KLC3: variants seen among roughly 807,000 people sequenced by gnomAD.
The protein encoded by KLC3 is kinesin light chain 3.
In KLC3, 72 loss-of-function variants were observed where a neutral mutation model predicts 62.9. The observed-to-expected ratio is 1.15, with a 90% CI of 0.95 to 1.39. The LOEUF (loss-of-function observed/expected upper bound fraction) is 1.39, where lower values mean the gene tolerates loss of function less well. Among genes scored for constraint, KLC3 ranks in the 40% most tolerant of loss-of-function variants. The pLI is 0.00. For missense variants in KLC3, 848 were observed against 691.6 expected (o/e 1.23, Z -2.54); for synonymous variants, 377 against 300.5 (o/e 1.25, Z -2.63).
rs1263802046 is a variant in KLC3 at position 45,348,881 on chromosome 19, C to T, written c.929C>T (p.Ala310Val). The T allele has an allele frequency of 1.6e-5, 25 of 1,588,584 alleles. No individual in the cohort carries two copies. Among genetic ancestry groups the T allele is most frequent in the Non-Finnish European group, 2.1e-5 (25 of 1,167,884 alleles). ...GGGAAGCGTGGGCGTTACCGGGAGG[C>T]AGAGCCCCTGTGCCAGCGCGCTTTG... ...LYGKRGRYRE[A>V]EPLCQRALEI... Residue 310 changes from alanine (A) to valine (V), a missense_variant, in exon 7 of 13, where the codon GCA becomes GTA. By Grantham distance (64) the Ala-to-Val change is moderately conservative. Coordinates refer to ENST00000391946, the MANE Select transcript of KLC3 (RefSeq NM_177417.3).
intron 3 of KLC3, 137 bp from the exon 4 acceptor site, chr19:45,347,310 C>CCAGCCTGT (rs2123186178): frequency 1.5e-6 from 1 of 649,488 alleles, no homozygotes; most frequent in South Asian, 1.9e-5. Flanking sequence ...CCATTGCACT[C>CCAGCCTGT]CAGCCTGTGC....
intron 1 of KLC3, among the ~76,000 whole-genome samples, chr19:45,344,154 A>AGTGTGT (rs34947979): frequency 0.088 from 12,463 of 142,024 alleles, 1,294 homozygotes; most frequent in African/African-American, 0.26. Flanking sequence ...CTAATGAGGG[A>AGTGTGT]GTGTGTGTGT....
intron 5 of KLC3, 37 bp from the exon 6 acceptor site, chr19:45,348,609 T>C: frequency 6.5e-7 from 1 of 1,548,752 alleles, no homozygotes; most frequent in Non-Finnish European, 8.7e-7. Flanking sequence ...CCCCAACCCT[T>C]GGCTAACCCC....
rs773352088 is a variant in KLC3 at position 45,341,554 on chromosome 19, GGT to G, written c.-9+732_-9+733del. On this transcript the variant is annotated intron_variant, in intron 1 of 12. Transcript: ENST00000391946. Reference sequence around the variant, plus strand: ...GGCTGTGGTTGTCTTTCTGCCTGTTGGTGTGTGTGTGTGTGTGTGTGTGTGCG... The same window carrying G: ...GGCTGTGGTTGTCTTTCTGCCTGTTGGTGTGTGTGTGTGTGTGTGTGTGCG... Among the ~76,000 whole-genome samples the G allele has an allele frequency of 7.9e-3, 1,140 of 143,766 alleles. 11 individuals are homozygous for G. The highest frequency in any genetic ancestry group is 0.022 in the African/African-American group (862 of 39,632). 94.3% of individuals were successfully genotyped at this position (143,766 alleles called of 152,430 possible). A position where few individuals can be genotyped will look rare whatever the true frequency, so the allele number is the denominator to read the frequency against.
chr19:45,346,094 G>A (rs1049668189), intron 2 of KLC3, among the ~76,000 whole-genome samples: 2 of 152,128 alleles, frequency 1.3e-5, no homozygotes, highest in Admixed American at 6.5e-5. Context: ...CCTGGGAGGC[G>A]GAGGTTGCAG....
chr19:45,345,300 G>A lies in KLC3; in HGVS notation c.-8-234G>A. ...TGTCCTCAGGGCAGAACCCTGGGTT[G>A]GGAGGACAGACGAAGGTAGACAAGA... On this transcript the variant is annotated intron_variant, in intron 1 of 12. Transcript: ENST00000391946. 3 of 616,656 alleles carry A rather than the reference G, an allele frequency of 4.9e-6. No individual in the cohort carries two copies. In the South Asian group the frequency reaches 5.9e-5, roughly 12 times the overall value. 38.2% of individuals were successfully genotyped at this position (616,656 alleles called of 1,614,324 possible). A position where few individuals can be genotyped will look rare whatever the true frequency, so the allele number is the denominator to read the frequency against.
chr19:45,346,724 C>G lies in KLC3; in HGVS notation c.439C>G (p.Leu147Val). ...VAQLEEEKRH[L>V]EFLGQLRQYD... Reference sequence around the variant, plus strand: ...CCAGCTGGAGGAGGAGAAGCGCCACCTGGAGTTCCTGGGGCAGCTGCGACA... The same window carrying G: ...CCAGCTGGAGGAGGAGAAGCGCCACGTGGAGTTCCTGGGGCAGCTGCGACA... Residue 147 changes from leucine (L) to valine (V), a missense_variant, in exon 3 of 13, where the codon CTG (leucine) becomes GTG (valine). Coordinates refer to ENST00000391946, the MANE Select transcript of KLC3 (RefSeq NM_177417.3). The G allele has an allele frequency of 1.3e-6, 2 of 1,586,860 alleles. No individual in the cohort carries two copies. The highest frequency in any genetic ancestry group is 1.2e-5 in the South Asian group (1 of 86,942).
rs1971771011 is a variant in KLC3 at position 45,351,434 on chromosome 19, TATC to T, written c.*81_*83del. The T allele has an allele frequency of 2.5e-6, 4 of 1,588,002 alleles. No homozygotes were observed. In the South Asian group the frequency reaches 4.4e-5, roughly 18 times the overall value. ...TGGGCTGGTGGGGTGAGAGGGGGTC[TATC>T]ATCTCCTGGCCCCCCCTTGCCTCTG... is the stretch of plus-strand genomic sequence containing the variant. On this transcript the variant is annotated 3_prime_UTR_variant, in exon 13 of 13. Coordinates refer to ENST00000391946, the MANE Select transcript of KLC3 (RefSeq NM_177417.3).
chr19:45,343,578 A>G lies in KLC3; in HGVS notation c.-8-1956A>G, dbSNP rs545025280. Among the ~76,000 whole-genome samples the G allele has an allele frequency of 1.5e-4, 23 of 152,020 alleles. No homozygotes were observed. In the East Asian group the frequency reaches 4.5e-3, roughly 29 times the overall value. Reference sequence around the variant, plus strand: ...TCAAACTCCTGACCTCAACTGATCCACCCACCTCGGCCTCCCAAAGTGCTG... The same window carrying G: ...TCAAACTCCTGACCTCAACTGATCCGCCCACCTCGGCCTCCCAAAGTGCTG... On this transcript the variant is annotated intron_variant, in intron 1 of 12. Coordinates refer to ENST00000391946, the MANE Select transcript of KLC3 (RefSeq NM_177417.3).
chr19:45,351,161 G>C, intron 12 of KLC3, 125 bp from the exon 13 acceptor site: 1 of 1,589,418 alleles, frequency 6.3e-7, no homozygotes. Flanking sequence ...AGCAAAGATG[G>C]GTTTTACTTG....
chr19:45,341,551 G>C (rs946206966), intron 1 of KLC3, among the ~76,000 whole-genome samples: 1 of 138,706 alleles, frequency 7.2e-6, no homozygotes, highest in African/African-American at 2.6e-5. Flanking sequence ...CTTTCTGCCT[G>C]TTGGTGTGTG....
intron 1 of KLC3, among the ~76,000 whole-genome samples, chr19:45,341,083 T>C (rs1599830910): frequency 1.3e-5 from 2 of 151,464 alleles, no homozygotes; most frequent in Admixed American, 1.3e-4. Flanking sequence ...GAGGGGGCCC[T>C]TGTGACTGCG....
In KLC3 at chr19:45,350,767, G is replaced by A; in HGVS notation, c.1379+20G>A. 2.5e-6 allele frequency: 4 copies of A among 1,594,976 alleles called. No homozygotes were observed. The highest frequency in any genetic ancestry group is 1.3e-5 in the African/African-American group (1 of 74,756). On this transcript the variant is annotated intron_variant, in intron 11 of 12. Transcript: ENST00000391946. ...AGCCGGGTGAGTGTTGATCAGGTCGGCAAAGAGCCCTGACATCAGCAGAAT... is the reference window on the plus strand; with the variant it reads ...AGCCGGGTGAGTGTTGATCAGGTCGACAAAGAGCCCTGACATCAGCAGAAT...
intron 2 of KLC3, 62 bp from the exon 3 acceptor site, chr19:45,346,481 TG>T: frequency 1.4e-6 from 2 of 1,383,196 alleles, no homozygotes; most frequent in Non-Finnish European, 1.9e-6. Flanking sequence ...AGGCCTGGGC[TG>T]GGTCAGGGGC....
At chr19:45,344,651 T>C (rs1971452706) in intron 1 of KLC3, among the ~76,000 whole-genome samples, 1 of 152,092 alleles carries the variant, frequency 6.6e-6, no homozygotes, top group East Asian at 1.9e-4. Flanking sequence ...AGGAGTGTGT[T>C]TGTGTGTATA....
Position 45,351,446 on chromosome 19 carries a change from GCC to G in KLC3, c.*95_*96del, listed in dbSNP as rs894183102. 14 of 1,582,418 alleles carry G rather than the reference GCC, an allele frequency of 8.8e-6. 1 individual carries two copies. In the South Asian group the frequency reaches 1.3e-4, roughly 15 times the overall value. Reference sequence around the variant, plus strand: ...GTGAGAGGGGGTCTATCATCTCCTGGCCCCCCCTTGCCTCTGGGTACCTGGTG... The same window carrying G: ...GTGAGAGGGGGTCTATCATCTCCTGGCCCCCTTGCCTCTGGGTACCTGGTG... On this transcript the variant is annotated 3_prime_UTR_variant, in exon 13 of 13. Transcript: ENST00000391946.
At chr19:45,341,367 G>C (rs1339703033) in intron 1 of KLC3, among the ~76,000 whole-genome samples, 1 of 152,152 alleles carries the variant, frequency 6.6e-6, no homozygotes, top group Non-Finnish European at 1.5e-5. Context: ...TGTGTGTGTA[G>C]AATTGGATTG....
intron 1 of KLC3, among the ~76,000 whole-genome samples, chr19:45,341,776 C>CGTGTGTGT (rs3047585): frequency 0.018 from 2,377 of 134,914 alleles, 16 homozygotes; most frequent in Middle Eastern, 0.04. Flanking sequence ...GCCGTGTGTG[C>CGTGTGTGT]GTGTGTGTGT....
At chr19:45,343,059 G>A (rs562757448) in intron 1 of KLC3, among the ~76,000 whole-genome samples, 5 of 152,304 alleles carry the variant, frequency 3.3e-5, no homozygotes, top group African/African-American at 7.2e-5. Context: ...TGTGCATGGC[G>A]TGTAGGTGTG....
Sources: gnomAD v4.1 joint callset for allele counts (sites outside exome capture counted in the v4.1 genomes callset) on GRCh38, gnomAD v4.1.1 for gene constraint, MANE v1.5 for transcripts, NCBI Gene and HGNC (gene_info 2026-07-23, HGNC 2026-07-21) for gene names.